LCORL: variants seen among roughly 807,000 people sequenced by gnomAD.
The protein encoded by LCORL is ligand-dependent nuclear receptor corepressor-like protein.
LCORL carries 41 observed loss-of-function variants against 141.8 expected under a neutral mutation model. The observed-to-expected ratio is 0.29, with a 90% CI of 0.23 to 0.38. LCORL has a LOEUF of 0.38. Among genes scored for constraint, LCORL ranks in the 10% least tolerant of loss-of-function variants. The pLI is 1.00. For synonymous variants in LCORL, 618 were observed against 694.1 expected, an observed-to-expected ratio of 0.89 and a Z score of 1.72; for missense variants, 1,759 against 2,035.0, an observed-to-expected ratio of 0.86 and a Z score of 2.61.
intron 1 of LCORL, 47 bp from the exon 2 acceptor site, chr4:17,972,932 C>A (rs1716254074): frequency 2.3e-6 from 2 of 860,566 alleles, no homozygotes; most frequent in African/African-American, 1.8e-5. Flanking sequence ...AGAAAAGTTA[C>A]ATTTTACAAT....
chr4:17,985,064 C>G (rs374238868), intron 1 of LCORL, among the ~76,000 whole-genome samples: 3 of 152,152 alleles, frequency 2.0e-5, no homozygotes, highest in South Asian at 2.1e-4. Context: ...AATTTTCATG[C>G]AATTGCATAG....
chr4:17,921,691 C>T (rs13130622), intron 4 of LCORL, among the ~76,000 whole-genome samples: 65,770 of 151,922 alleles, frequency 0.43, 16,860 homozygotes, highest in Non-Finnish European at 0.58. Context: ...ATGAAGGATG[C>T]AAAGTATTGT....
At chr4:17,871,478 G>A (rs1726326316) in intron 7 of LCORL, among the ~76,000 whole-genome samples, 2 of 151,874 alleles carry the variant, frequency 1.3e-5, no homozygotes, top group African/African-American at 4.8e-5. Context: ...CATATTTAGT[G>A]GGGGTAAATA....
intron 4 of LCORL, chr4:17,912,018 G>GTTGGAGACCAAGAACTAGAAA: frequency 1.5e-6 from 1 of 653,520 alleles, no homozygotes; most frequent in East Asian, 3.2e-5. Flanking sequence ...AGAACTAGAA[G>GTTGGAGACCAAGAACTAGAAA]TTAGAGACCA....
At chr4:17,875,782 T>C in exon 7 of LCORL, 1 of 1,231,228 alleles carries the variant, frequency 8.1e-7, no homozygotes, top group Non-Finnish European at 1.0e-6. Context: ...GATGGATCAG[T>C]AGCACTGCTT....
At chr4:17,986,977 T>C (rs1719088562) in intron 1 of LCORL, among the ~76,000 whole-genome samples, 1 of 152,194 alleles carries the variant, frequency 6.6e-6, no homozygotes, top group Non-Finnish European at 1.5e-5. Flanking sequence ...TTATGCTTTG[T>C]ATATTTTTTC....
chr4:17,961,516 T>A (rs1713781756), intron 4 of LCORL, among the ~76,000 whole-genome samples: 1 of 152,226 alleles, frequency 6.6e-6, no homozygotes, highest in South Asian at 2.1e-4. Flanking sequence ...TATTACATTA[T>A]CAGGCATAGC....
chr4:17,856,809 T>C (rs948935814), intron 7 of LCORL, among the ~76,000 whole-genome samples: 41 of 152,194 alleles, frequency 2.7e-4, no homozygotes, highest in Admixed American at 2.5e-3. Flanking sequence ...ACTCCATTCA[T>C]AGGTTATGCA....
chr4:17,844,662 T>A (rs78378922), exon 8 of LCORL: 1 of 152,364 alleles, frequency 6.6e-6, no homozygotes, highest in African/African-American at 2.4e-5. Flanking sequence ...GTTGTTGTTT[T>A]AAAGACAATT....
chr4:17,841,200 CTTT>C (rs1560234717), exon 8 of LCORL: 2 of 151,868 alleles, frequency 1.3e-5, no homozygotes, highest in African/African-American at 4.8e-5. Context: ...AATTCAAGAT[CTTT>C]TTATTGTTTT....
At chr4:18,014,046 G>A (rs1724240049) in intron 1 of LCORL, among the ~76,000 whole-genome samples, 1 of 152,120 alleles carries the variant, frequency 6.6e-6, no homozygotes, top group Non-Finnish European at 1.5e-5. Flanking sequence ...GGGCTCAAGT[G>A]ATCCGCCTGC....
intron 6 of LCORL, among the ~76,000 whole-genome samples, chr4:17,879,642 A>AT (rs1727308920): frequency 6.6e-6 from 1 of 151,010 alleles, no homozygotes; most frequent in South Asian, 2.1e-4. Flanking sequence ...TTTAAAAAAT[A>AT]TATGTAGAGA....
intron 5 of LCORL, among the ~76,000 whole-genome samples, chr4:17,908,332 T>A (rs1040065412): frequency 1.3e-5 from 2 of 152,130 alleles, no homozygotes; most frequent in Non-Finnish European, 2.9e-5. Flanking sequence ...GCGCCTGGCC[T>A]AACTAGTATA....
chr4:17,894,771 G>A lies in LCORL; in HGVS notation c.683-8610C>T, dbSNP rs537105144. On this transcript the variant is annotated intron_variant, in intron 5 of 7. Coordinates refer to ENST00000635767, the Ensembl canonical transcript of LCORL. ...CTAATTTTAACCTGGTATATCTCCT[G>A]AAAGGGTTTCAGGGATTCTCAGGGC... Among the ~76,000 whole-genome samples, 249 of 152,154 alleles carry A rather than the reference G, an allele frequency of 1.6e-3. 2 individuals carry two copies. The highest frequency in any genetic ancestry group is 1.4e-3 in the Non-Finnish European group (98 of 67,976).
At chr4:17,929,541 T>C (rs1354075956) in intron 4 of LCORL, among the ~76,000 whole-genome samples, 2 of 152,188 alleles carry the variant, frequency 1.3e-5, no homozygotes, top group African/African-American at 2.4e-5. Flanking sequence ...CAACAAATTA[T>C]GCTGGGATGA....
intron 1 of LCORL, among the ~76,000 whole-genome samples, chr4:18,008,442 C>T (rs1245677637): frequency 6.6e-6 from 1 of 152,166 alleles, no homozygotes; most frequent in Non-Finnish European, 1.5e-5. Context: ...GAAAACAGCA[C>T]TACTAAAGTT....
chr4:17,998,963 T>TC (rs1169104389), intron 1 of LCORL, among the ~76,000 whole-genome samples: 20 of 11,126 alleles, frequency 1.8e-3, no homozygotes, highest in Non-Finnish European at 3.7e-3. Flanking sequence ...AGACCCTGTC[T>TC]CAAAAAAAAA....
intron 5 of LCORL, among the ~76,000 whole-genome samples, chr4:17,899,655 G>A (rs193291480): frequency 1.3e-5 from 2 of 152,178 alleles, no homozygotes; most frequent in Admixed American, 6.5e-5. Context: ...ACCCAATTTT[G>A]GCATATTGAT....
At chr4:17,941,070 A>G (rs1279756912) in intron 4 of LCORL, among the ~76,000 whole-genome samples, 2 of 152,178 alleles carry the variant, frequency 1.3e-5, no homozygotes, top group Non-Finnish European at 2.9e-5. Context: ...AAGAAAACAA[A>G]TGTTTAAAAA....
Sources: gnomAD v4.1 joint callset for allele counts (sites outside exome capture counted in the v4.1 genomes callset) on GRCh38, gnomAD v4.1.1 for gene constraint, MANE v1.5 for transcripts, NCBI Gene and HGNC (gene_info 2026-07-23, HGNC 2026-07-21) for gene names.